The following ZNF506 variants were observed in gnomAD, a reference collection of about 807,000 sequenced individuals.
ZNF506 encodes the protein zinc finger protein 506.
Under a neutral mutation model 11.6 loss-of-function variants are expected in ZNF506, and 10 were observed. The observed-to-expected ratio is 0.86, with a 90% CI of 0.53 to 1.46. The LOEUF (loss-of-function observed/expected upper bound fraction) is 1.46. Among genes scored for constraint, ZNF506 ranks in the 40% most tolerant of loss-of-function variants. The probability of loss-of-function intolerance (pLI) is 0.00; values close to 1 mark genes in which losing one functional copy is unlikely to be tolerated. For synonymous variants in ZNF506, 156 were observed against 173.3 expected, an observed-to-expected ratio of 0.90 and a Z score of 0.78; for missense variants, 425 against 521.2, an observed-to-expected ratio of 0.82 and a Z score of 1.80.
chr19:19,803,965 G>T (rs2062815304), intron 3 of ZNF506, among the ~76,000 whole-genome samples: 1 of 151,624 alleles, frequency 6.6e-6, no homozygotes, highest in African/African-American at 2.4e-5. Context: ...CATTTGCTGA[G>T]GTGTGGTTTA....
intron 1 of ZNF506, among the ~76,000 whole-genome samples, chr19:19,810,159 G>T (rs1381103908): frequency 6.6e-6 from 1 of 152,024 alleles, no homozygotes; most frequent in South Asian, 2.1e-4. Context: ...CTGTCAATGC[G>T]GATGTTGCTC....
intron 1 of ZNF506, among the ~76,000 whole-genome samples, chr19:19,813,479 A>G (rs1326456323): frequency 6.6e-6 from 1 of 152,214 alleles, no homozygotes; most frequent in East Asian, 1.9e-4. Flanking sequence ...CAACAACTAT[A>G]AAAAGCAGTG....
At position 19,795,507 on chromosome 19, in the gene ZNF506, T is replaced by C; in HGVS notation, c.380A>G (p.Lys127Arg). ...CESVDECPVH[K>R]RGYNGLKQCL... is the part of the protein sequence containing the mutation. ...TTGTTTAAGTCCATTATAACCTCTT[T>C]TGTGCACTGGACACTCATCTACACT... The change falls in exon 4 of 4, where the codon AAA becomes AGA. Residue 127 changes from lysine to arginine, a missense_variant. Physicochemically the swap from Lys to Arg is conservative, Grantham distance 26 (BLOSUM62 2). Around this residue, in one of 3 missense-constraint regions of ZNF506, gnomAD observed 226 missense variants for 279.1 expected, o/e 0.81. Coordinates refer to ENST00000540806, the MANE Select transcript of ZNF506 (RefSeq NM_001099269.3). 1.2e-6 allele frequency: 2 copies of C among 1,600,510 alleles called. No homozygotes were observed. Among genetic ancestry groups the C allele is most frequent in the Non-Finnish European group, 1.7e-6 (2 of 1,175,216 alleles).
At chr19:19,808,512 C>A (rs1018677186) in intron 1 of ZNF506, among the ~76,000 whole-genome samples, 2 of 151,394 alleles carry the variant, frequency 1.3e-5, no homozygotes, top group African/African-American at 4.9e-5. Context: ...AATACTCCCC[C>A]CAAAAAAGTA....
In ZNF506 at chr19:19,814,617, A is replaced by G. The variant is rs2062914324; in HGVS notation, c.3+6984T>C. On this transcript the variant is annotated intron_variant, in intron 1 of 3. Coordinates refer to ENST00000540806, the MANE Select transcript of ZNF506 (RefSeq NM_001099269.3). ...GCTATGGGTAGTATCTCAGTGACAA[A>G]GTAATCTGCACACCAAACCTCCATG... Among the ~76,000 whole-genome samples the G allele has an allele frequency of 2.0e-5, 3 of 152,036 alleles. No individual in the cohort carries two copies. In the South Asian group the frequency reaches 6.2e-4, roughly 32 times the overall value.
intron 3 of ZNF506, among the ~76,000 whole-genome samples, chr19:19,802,124 G>C (rs1339520148): frequency 1.3e-5 from 2 of 149,770 alleles, no homozygotes; most frequent in African/African-American, 5.0e-5. Flanking sequence ...AGAACTGCTT[G>C]AAGCCAGGAG....
At position 19,821,742 on chromosome 19, in the gene ZNF506, A is replaced by G; in HGVS notation, c.-139T>C. The stretch of plus-strand genomic sequence containing the variant: ...GATAGCTGGATCTCTGGCGTCAGCG[A>G]GAGACAATGGGCCCGCCAAAGCCGG... On this transcript the variant is annotated 5_prime_UTR_variant, in exon 1 of 4. Coordinates refer to ENST00000540806, the MANE Select transcript of ZNF506 (RefSeq NM_001099269.3). 2 of 1,142,904 alleles carry G rather than the reference A, an allele frequency of 1.7e-6. No individual in the cohort carries two copies. Among genetic ancestry groups the G allele is most frequent in the Non-Finnish European group, 2.6e-6 (2 of 767,752 alleles). The allele number at this position is 1,142,904 out of a possible 1,614,324, so 70.8% of individuals were successfully genotyped here. A position where few individuals can be genotyped will look rare whatever the true frequency, so the allele number is the denominator to read the frequency against.
At chr19:19,807,146 G>A (rs913040933) in intron 1 of ZNF506, 78 bp from the exon 2 acceptor site, 11 of 1,597,194 alleles carry the variant, frequency 6.9e-6, no homozygotes, top group Non-Finnish European at 9.4e-6. Flanking sequence ...TGAAATGAGA[G>A]AGTAAAGAGA....
At chr19:19,799,131 T>C (rs983787228) in intron 3 of ZNF506, 6 of 233,666 alleles carry the variant, frequency 2.6e-5, no homozygotes, top group Non-Finnish European at 4.9e-5. Flanking sequence ...AAACAATATA[T>C]AGATTAATTC....
Position 19,821,695 on chromosome 19 carries a change from G to A in ZNF506, c.-92C>T. 2 of 1,503,436 alleles carry A rather than the reference G, an allele frequency of 1.3e-6. No individual in the cohort carries two copies. Among genetic ancestry groups the A allele is most frequent in the South Asian group, 1.1e-5 (1 of 88,752 alleles). 93.1% of individuals were successfully genotyped at this position (1,503,436 alleles called of 1,614,324 possible). A position where few individuals can be genotyped will look rare whatever the true frequency, so the allele number is the denominator to read the frequency against. On this transcript the variant is annotated 5_prime_UTR_variant, in exon 1 of 4. Coordinates refer to ENST00000540806, the MANE Select transcript of ZNF506 (RefSeq NM_001099269.3). ...CACAGAGGCTGGGCCTCTAGGAGCT[G>A]ACGGCACAGAGCAGTGAAGACGATA...
chr19:19,806,034 G>A lies in ZNF506; in HGVS notation c.223C>T (p.Pro75Ser), dbSNP rs2062833208. 2 of 1,605,156 alleles carry A rather than the reference G, an allele frequency of 1.2e-6. No homozygotes were observed. The highest frequency in any genetic ancestry group is 2.3e-5 in the East Asian group (1 of 44,444). Reference sequence around the variant, plus strand: ...ATTCATTTTCACTCGCACCTACCTGGGGGTTTGGCAATCATCTCATGCCTC... The same window carrying A: ...ATTCATTTTCACTCGCACCTACCTGAGGGTTTGGCAATCATCTCATGCCTC... ...MKRHEMIAKP[P>S]VMYSHFAQDL... Residue 75 changes from proline (P) to serine (S), a missense_variant, in exon 3 of 4, where the codon CCA becomes TCA. Physicochemically the swap from Pro to Ser is moderately conservative, Grantham distance 74. This residue lies in a region of ZNF506 where 226 missense variants were observed against 279.1 expected (regional missense o/e 0.81). Coordinates refer to ENST00000540806, the MANE Select transcript of ZNF506 (RefSeq NM_001099269.3).
At chr19:19,816,185 CTTTTCTTTTT>C (rs760604515) in intron 1 of ZNF506, among the ~76,000 whole-genome samples, 3 of 150,978 alleles carry the variant, frequency 2.0e-5, no homozygotes, top group Non-Finnish European at 4.4e-5. Flanking sequence ...CTTTTCTTTT[CTTTTCTTTTT>C]TTTTTTGAGC....
At chr19:19,809,867 C>T (rs576289851) in intron 1 of ZNF506, among the ~76,000 whole-genome samples, 3 of 152,148 alleles carry the variant, frequency 2.0e-5, no homozygotes, top group African/African-American at 7.2e-5. Context: ...GCCCTCATAC[C>T]TGATTCTGGC....
chr19:19,808,650 G>C (rs1041766992), intron 1 of ZNF506, among the ~76,000 whole-genome samples: 1 of 151,150 alleles, frequency 6.6e-6, no homozygotes, highest in East Asian at 2.0e-4. Context: ...TTCGAGACCA[G>C]CCTGACTAAC....
At chr19:19,818,617 G>A (rs2062949811) in intron 1 of ZNF506, among the ~76,000 whole-genome samples, 1 of 152,160 alleles carries the variant, frequency 6.6e-6, no homozygotes, top group Non-Finnish European at 1.5e-5. Flanking sequence ...AGAATGATTA[G>A]AAACTAATTT....
In ZNF506 at chr19:19,819,287, C is replaced by T. The variant is rs141080066; in HGVS notation, c.3+2314G>A. ...TTATTTGTTTTCCCCTCAATACCAG[C>T]ATCTGATTGTCTGACCAGCAATGTG... On this transcript the variant is annotated intron_variant, in intron 1 of 3. Transcript: ENST00000540806. Among the ~76,000 whole-genome samples the T allele has an allele frequency of 1.7e-3, 258 of 151,852 alleles. 1 individual carries two copies. The highest frequency in any genetic ancestry group is 6.0e-3 in the African/African-American group (247 of 41,386).
Position 19,794,903 on chromosome 19 carries a change from A to G in ZNF506, c.984T>C (p.Leu328=). 6.2e-7 allele frequency: 1 copy of G among 1,613,578 alleles called. No homozygotes were observed. The highest frequency in any genetic ancestry group is 8.5e-7 in the Non-Finnish European group (1 of 1,179,904). Residue 328 remains leucine, a synonymous_variant, in exon 4 of 4, where the codon CTT becomes CTC. Coordinates refer to ENST00000540806, the MANE Select transcript of ZNF506 (RefSeq NM_001099269.3). ...CAGTATGAATTCTCTTATGTTTAGT[A>G]AGGTTTGAGGAACGGTTAAAAGCTT... The part of the protein sequence containing the change: ...CGKAFNRSSN[L]TKHKRIHTGD...
At chr19:19,802,023 G>A (rs1386459173) in intron 3 of ZNF506, among the ~76,000 whole-genome samples, 1 of 151,604 alleles carries the variant, frequency 6.6e-6, no homozygotes, top group African/African-American at 2.4e-5. Context: ...TGACCAACAT[G>A]GTGAAACCCC....
chr19:19,808,621 C>T (rs994723469), intron 1 of ZNF506, among the ~76,000 whole-genome samples: 10 of 150,902 alleles, frequency 6.6e-5, no homozygotes, highest in African/African-American at 2.2e-4. Context: ...ACGAGGTGGG[C>T]GGATCACGAG....
Sources: gnomAD v4.1 joint callset for allele counts (sites outside exome capture counted in the v4.1 genomes callset) on GRCh38, gnomAD v4.1.1 for gene constraint, gnomAD v4.1.1 regional missense constraint, MANE v1.5 for transcripts, NCBI Gene and HGNC (gene_info 2026-07-23, HGNC 2026-07-21) for gene names.